Variants in HOMER2 observed in about 807,000 individuals in gnomAD.
HOMER2 encodes homer scaffold protein 2.
In HOMER2, 27 loss-of-function variants were observed where a neutral mutation model predicts 47.0. That is an observed-to-expected ratio of 0.57 (90% CI 0.42 to 0.79). The LOEUF is 0.79. HOMER2 is among the 30% of genes least tolerant of loss of function. The pLI, the probability that HOMER2 is intolerant of heterozygous loss-of-function variation, is 0.00. For synonymous variants in HOMER2, 161 were observed against 163.8 expected (o/e 0.98, Z 0.13); for missense variants, 443 against 435.0 (o/e 1.02, Z -0.16).
chr15:82,953,601 C>T (rs1033105813), upstream of HOMER2, among the ~76,000 whole-genome samples: 1 of 152,150 alleles, frequency 6.6e-6, no homozygotes, highest in East Asian at 1.9e-4. Context: ...AGGTCGGGCG[C>T]GGTGGCTCAC....
chr15:82,973,779 T>C (rs1277229219), intron 1 of HOMER2, among the ~76,000 whole-genome samples: 3 of 152,178 alleles, frequency 2.0e-5, no homozygotes, highest in Non-Finnish European at 4.4e-5. Flanking sequence ...CTAAAGCCAA[T>C]GTCTGGCCAG....
chr15:82,859,235 T>A, intron 4 of HOMER2, 100 bp from the exon 5 acceptor site: 2 of 1,573,906 alleles, frequency 1.3e-6, no homozygotes, highest in South Asian at 2.3e-5. Flanking sequence ...TTAGGCATAA[T>A]AAGAAACTTT....
intron 1 of HOMER2, among the ~76,000 whole-genome samples, chr15:82,906,921 C>T (rs779147580): frequency 2.0e-5 from 3 of 152,136 alleles, no homozygotes; most frequent in African/African-American, 7.2e-5. Context: ...GGGGCCAATA[C>T]TAAAGGAAGA....
At chr15:82,898,540 C>T (rs1349195460) in intron 1 of HOMER2, 7 of 152,216 alleles carry the variant, frequency 4.6e-5, no homozygotes, top group African/African-American at 1.7e-4. Context: ...TATAACCTAC[C>T]GTTCCTTGCA....
chr15:82,850,472 G>C (rs185214320), intron 8 of HOMER2, among the ~76,000 whole-genome samples: 1 of 152,334 alleles, frequency 6.6e-6, no homozygotes, highest in East Asian at 1.9e-4. Flanking sequence ...GGCCCCACAA[G>C]CCTACAGAGG....
chr15:82,984,051 G>C (rs1332772180), intron 1 of HOMER2, among the ~76,000 whole-genome samples: 1 of 105,210 alleles, frequency 9.5e-6, no homozygotes, highest in African/African-American at 3.6e-5. Flanking sequence ...TTTTTTTTTT[G>C]AGACGGAGTC....
intron 3 of HOMER2, among the ~76,000 whole-genome samples, chr15:82,870,954 C>G (rs2052156466): frequency 1.3e-5 from 2 of 152,236 alleles, no homozygotes; most frequent in African/African-American, 4.8e-5. Context: ...AACTCGAGGT[C>G]AAATGCCAGA....
chr15:82,967,953 T>C (rs1311017750), intron 1 of HOMER2, among the ~76,000 whole-genome samples: 2 of 152,194 alleles, frequency 1.3e-5, no homozygotes, highest in Non-Finnish European at 2.9e-5. Context: ...GGCCATTTAA[T>C]GTATATGTGT....
Position 82,889,771 on chromosome 15 carries a change from A to T in HOMER2, c.162+2914T>A, listed in dbSNP as rs557913328. On this transcript the variant is annotated intron_variant, in intron 2 of 8. Transcript: ENST00000450735. Reference sequence around the variant, plus strand: ...GCTGAAGGCACAGGGTATGATCTAGACCTAGGCTGCTGGGTTTACAGGTTG... The same window carrying T: ...GCTGAAGGCACAGGGTATGATCTAGTCCTAGGCTGCTGGGTTTACAGGTTG... 2.0e-5 allele frequency among the ~76,000 whole-genome samples: 3 copies of T among 152,160 alleles called. No homozygotes were observed. The East Asian group carries it at 5.8e-4, about 29-fold the overall frequency.
At chr15:82,984,086 G>A (rs994322473) in intron 1 of HOMER2, among the ~76,000 whole-genome samples, 8 of 149,440 alleles carry the variant, frequency 5.4e-5, no homozygotes, top group Non-Finnish European at 1.0e-4. Flanking sequence ...AGGCTGGAGT[G>A]CAGTGGCGCA....
chr15:82,868,523 T>TTATATATATATA lies in HOMER2; in HGVS notation c.295-4276_295-4265dup, dbSNP rs1244361918. ...AAGTTATATATATCACTTATTTATT[T>TTATATATATATA]TATATATATATATATATATTTTTTT... On this transcript the variant is annotated intron_variant, in intron 3 of 8. Transcript: ENST00000450735. Among the ~76,000 whole-genome samples, 174 of 36,610 alleles carry TTATATATATATA rather than the reference T, an allele frequency of 4.8e-3. 10 individuals are homozygous for TTATATATATATA. Among genetic ancestry groups the TTATATATATATA allele is most frequent in the Non-Finnish European group, 6.1e-3 (130 of 21,460 alleles). 24.0% of individuals were successfully genotyped at this position (36,610 alleles called of 152,430 possible). A position where few individuals can be genotyped will look rare whatever the true frequency, so the allele number is the denominator to read the frequency against.
chr15:82,944,932 A>T (rs981854381), intron 1 of HOMER2, among the ~76,000 whole-genome samples: 1 of 152,142 alleles, frequency 6.6e-6, no homozygotes, highest in Non-Finnish European at 1.5e-5. Context: ...TCCTGCTTGC[A>T]AAGAGCCTTC....
chr15:82,918,083 G>A (rs1353273612), intron 1 of HOMER2, among the ~76,000 whole-genome samples: 1 of 151,960 alleles, frequency 6.6e-6, no homozygotes, highest in African/African-American at 2.4e-5. Flanking sequence ...AGCTAACTAG[G>A]GACTAAAAGC....
chr15:82,840,942 C>T (rs2051170615), exon 2 of HOMER2: 1 of 151,724 alleles, frequency 6.6e-6, no homozygotes, highest in South Asian at 2.1e-4. Context: ...AAAAACAGAG[C>T]TTCCCAAGTT....
rs2051614847 is a variant in HOMER2, at chr15:82,857,229, AAGACAC to A, written c.494+1794_494+1799del. On this transcript the variant is annotated intron_variant, in intron 5 of 8. Coordinates refer to ENST00000450735, the MANE Select transcript of HOMER2 (RefSeq NM_004839.4). Reference sequence around the variant, plus strand: ...AGCTCACCTCCTCTCCCCACCTGTGAAGACACAGGGAGAAGACTGTGGTCTATGAAC... The same window carrying A: ...AGCTCACCTCCTCTCCCCACCTGTGAAGGGAGAAGACTGTGGTCTATGAAC... 2.6e-5 allele frequency among the ~76,000 whole-genome samples: 4 copies of A among 152,148 alleles called. No individual in the cohort carries two copies. The South Asian group carries it at 6.2e-4, about 24-fold the overall frequency.
At chr15:82,902,045 T>A (rs1490581631) in intron 1 of HOMER2, among the ~76,000 whole-genome samples, 1 of 152,196 alleles carries the variant, frequency 6.6e-6, no homozygotes, top group African/African-American at 2.4e-5. Flanking sequence ...AACATATATT[T>A]GTGATTTTAT....
chr15:82,934,287 C>G (rs1231226979), intron 1 of HOMER2, among the ~76,000 whole-genome samples: 2 of 152,138 alleles, frequency 1.3e-5, no homozygotes, highest in Non-Finnish European at 2.9e-5. Context: ...AGGGCTTCAG[C>G]TCCTGGCCCA....
At position 82,913,598 on chromosome 15, in the gene HOMER2, C is replaced by T. The variant is rs897267365; in HGVS notation, c.6-20757G>A. On this transcript the variant is annotated intron_variant, in intron 1 of 8. Coordinates refer to ENST00000450735, the MANE Select transcript of HOMER2 (RefSeq NM_004839.4). The surrounding 1 kb of genome is among the most constrained non-coding windows in gnomAD (Gnocchi z 4.1). The stretch of plus-strand genomic sequence containing the variant: ...TATCAGGCCATCTTCCTGAAAGCAA[C>T]ACAAACCCCTGCTTAGAAGAGTAAA... Among the ~76,000 whole-genome samples, 1 of 152,214 alleles carries T rather than the reference C, an allele frequency of 6.6e-6. No individual in the cohort carries two copies. The highest frequency in any genetic ancestry group is 2.4e-5 in the African/African-American group (1 of 41,456).
chr15:82,918,909 A>C (rs530998550), intron 1 of HOMER2, among the ~76,000 whole-genome samples: 2 of 152,346 alleles, frequency 1.3e-5, no homozygotes, highest in South Asian at 2.1e-4. Flanking sequence ...AAAGACACGC[A>C]GACTCATTAC....
Sources: gnomAD v4.1 joint callset for allele counts (sites outside exome capture counted in the v4.1 genomes callset) on GRCh38, gnomAD v4.1.1 for gene constraint, Gnocchi (gnomAD v3.1) non-coding constraint, MANE v1.5 for transcripts, NCBI Gene and HGNC (gene_info 2026-07-23, HGNC 2026-07-21) for gene names.